Variants in RAPGEF1 observed in about 807,000 individuals in gnomAD.
The protein encoded by RAPGEF1 is Rap guanine nucleotide exchange factor 1, also known as CRK SH3-binding GNRP.
In RAPGEF1, 33 loss-of-function variants were observed where a neutral mutation model predicts 143.3. The observed-to-expected ratio is 0.23, with a 90% CI of 0.17 to 0.31. RAPGEF1 has a LOEUF of 0.31. Ranked by LOEUF, RAPGEF1 falls within the 10% of genes least tolerant of loss-of-function variation. RAPGEF1 has a pLI of 1.00. For synonymous variants in RAPGEF1, 629 were observed against 676.5 expected, an observed-to-expected ratio of 0.93 and a Z score of 1.09; for missense variants, 1,199 against 1,645.4, an observed-to-expected ratio of 0.73 and a Z score of 4.69.
At chr9:131,702,489 G>A (rs1472548791) in intron 1 of RAPGEF1, among the ~76,000 whole-genome samples, 4 of 152,136 alleles carry the variant, frequency 2.6e-5, no homozygotes, top group African/African-American at 7.2e-5. Flanking sequence ...TCTGAGTCCC[G>A]TGCCATCAGA....
At chr9:131,599,569 C>T (rs1383127814) in intron 15 of RAPGEF1, among the ~76,000 whole-genome samples, 4 of 151,964 alleles carry the variant, frequency 2.6e-5, no homozygotes, top group Non-Finnish European at 4.4e-5. Context: ...GATGGGTGAG[C>T]CGAGGCTTGC....
chr9:131,588,458 C>T (rs747886570), intron 20 of RAPGEF1, among the ~76,000 whole-genome samples: 12 of 152,210 alleles, frequency 7.9e-5, no homozygotes, highest in African/African-American at 1.7e-4. Context: ...CACTCACCGT[C>T]GGTGTCGAGG....
intron 1 of RAPGEF1, among the ~76,000 whole-genome samples, chr9:131,662,629 T>C (rs1829751665): frequency 6.6e-6 from 1 of 151,804 alleles, no homozygotes; most frequent in African/African-American, 2.4e-5. Flanking sequence ...CTCACTGCCT[T>C]CCTGGTTCAA....
chr9:131,580,215 G>A lies in RAPGEF1; in HGVS notation c.3641+48C>T, dbSNP rs1025171023. On this transcript the variant is annotated intron_variant, in intron 26 of 26. Coordinates refer to ENST00000683357, the MANE Select transcript of RAPGEF1 (RefSeq NM_001377935.1). ...TCCCGGGCTGTCTCTCCTTGTGTGT[G>A]GCCCGGGGCTCAGCTCTGCCTGGTC... is the stretch of plus-strand genomic sequence containing the variant. The A allele has an allele frequency of 3.1e-6, 5 of 1,604,362 alleles. No homozygotes were observed. The African/African-American group carries it at 4.0e-5, about 13-fold the overall frequency.
intron 9 of RAPGEF1, 24 bp from the exon 10 acceptor site, chr9:131,626,446 G>A (rs1464283689): frequency 6.5e-7 from 1 of 1,540,304 alleles, no homozygotes; most frequent in Non-Finnish European, 8.8e-7. Flanking sequence ...AGGGGAAAAA[G>A]AGACCCGTTA....
intron 1 of RAPGEF1, among the ~76,000 whole-genome samples, chr9:131,713,569 A>G (rs1297143003): frequency 1.3e-5 from 2 of 152,196 alleles, no homozygotes; most frequent in Non-Finnish European, 2.9e-5. Flanking sequence ...TGGGATAGAA[A>G]CTAAACCTTT....
At position 131,619,219 on chromosome 9, in the gene RAPGEF1, G is replaced by C. The variant is rs962052125; in HGVS notation, c.1906-13C>G. The stretch of plus-strand genomic sequence containing the variant: ...CAGCACAGGAGGCCTGCTGGACAGA[G>C]GGGAGGAGAGAGAAGGCAGGGAAGG... On this transcript the variant is annotated splice_polypyrimidine_tract_variant and intron_variant, in intron 11 of 26. Coordinates refer to ENST00000683357, the MANE Select transcript of RAPGEF1 (RefSeq NM_001377935.1). 7.7e-7 allele frequency: 1 copy of C among 1,302,668 alleles called. No individual in the cohort carries two copies. The highest frequency in any genetic ancestry group is 1.0e-6 in the Non-Finnish European group (1 of 987,664). 80.7% of individuals were successfully genotyped at this position (1,302,668 alleles called of 1,614,324 possible).
intron 1 of RAPGEF1, among the ~76,000 whole-genome samples, chr9:131,664,580 A>G (rs2130605652): frequency 6.6e-6 from 1 of 152,282 alleles, no homozygotes; most frequent in East Asian, 1.9e-4. Flanking sequence ...CTGGTTTCTA[A>G]CATCATCAAT....
At chr9:131,653,148 G>A (rs114086015) in intron 1 of RAPGEF1, among the ~76,000 whole-genome samples, 104 of 152,222 alleles carry the variant, frequency 6.8e-4, no homozygotes, top group African/African-American at 2.3e-3. Flanking sequence ...GATCCTCTGC[G>A]GGGATCAAAA....
chr9:131,696,764 C>A (rs1490339135), intron 1 of RAPGEF1, among the ~76,000 whole-genome samples: 1 of 152,128 alleles, frequency 6.6e-6, no homozygotes, highest in East Asian at 1.9e-4. Flanking sequence ...TAAATGGATA[C>A]GAAATACTAC....
intron 15 of RAPGEF1, among the ~76,000 whole-genome samples, chr9:131,600,269 A>T (rs1216746510): frequency 1.3e-5 from 2 of 152,180 alleles, no homozygotes; most frequent in Non-Finnish European, 2.9e-5. Flanking sequence ...ATTATTTCTG[A>T]GCAGTCAAAG....
intron 12 of RAPGEF1, among the ~76,000 whole-genome samples, chr9:131,610,450 ATGG>A (rs1957864931): frequency 6.6e-6 from 1 of 152,216 alleles, no homozygotes; most frequent in African/African-American, 2.4e-5. Context: ...ATTCACTGGC[ATGG>A]TGAAGTGTTT....
Position 131,641,209 on chromosome 9 carries a change from C to T in RAPGEF1, c.494+2030G>A, listed in dbSNP as rs1227229933. ...ACTCTGGGTGTGAGGGTCCAGGGGA[C>T]GCTATCCTGGACTCTCCCAAAGAGG... On this transcript the variant is annotated intron_variant, in intron 4 of 26. Transcript: ENST00000683357. This position sits in a 1 kb window ranked among gnomAD's most constrained non-coding sequence, Gnocchi z 4.6. 6.6e-6 allele frequency among the ~76,000 whole-genome samples: 1 copy of T among 152,152 alleles called. No individual in the cohort carries two copies. The highest frequency in any genetic ancestry group is 2.1e-4 in the South Asian group (1 of 4,826).
At chr9:131,603,376 G>GTA (rs1956583905) in intron 14 of RAPGEF1, among the ~76,000 whole-genome samples, 1 of 152,218 alleles carries the variant, frequency 6.6e-6, no homozygotes, top group Non-Finnish European at 1.5e-5. Context: ...TAGAACTGCT[G>GTA]TACCGCGATG....
rs1312384111 is a variant in RAPGEF1, at chr9:131,583,680, C to T, written c.3414+631G>A. On this transcript the variant is annotated intron_variant, in intron 24 of 26. Transcript: ENST00000683357. This position sits in a 1 kb window ranked among gnomAD's most constrained non-coding sequence, Gnocchi z 4.7. ...ACAGGATAAAGGTCCAACTCCTCAC[C>T]AGGCTCCTGAGGCTCTCATGACCTA... 6.6e-6 allele frequency among the ~76,000 whole-genome samples: 1 copy of T among 152,212 alleles called. No individual in the cohort carries two copies. Among genetic ancestry groups the T allele is most frequent in the East Asian group, 1.9e-4 (1 of 5,200 alleles).
intron 12 of RAPGEF1, among the ~76,000 whole-genome samples, chr9:131,607,950 G>A (rs1257311452): frequency 2.6e-5 from 4 of 152,182 alleles, no homozygotes; most frequent in Non-Finnish European, 2.9e-5. Context: ...GTGTTTAGCC[G>A]GTTTTAATTC....
At chr9:131,644,726 A>G (rs1319018812) in intron 3 of RAPGEF1, among the ~76,000 whole-genome samples, 1 of 152,194 alleles carries the variant, frequency 6.6e-6, no homozygotes, top group African/African-American at 2.4e-5. Flanking sequence ...GCACTTTGGG[A>G]GGCCAAGGTG....
intron 26 of RAPGEF1, 136 bp from the exon 27 acceptor site, chr9:131,579,783 G>C: frequency 1.1e-6 from 1 of 895,844 alleles, no homozygotes; most frequent in Non-Finnish European, 1.7e-6. Flanking sequence ...GGCTACCGTT[G>C]ACCAATGTGA....
intron 1 of RAPGEF1, among the ~76,000 whole-genome samples, chr9:131,723,814 C>A (rs1284233718): frequency 6.6e-6 from 1 of 152,182 alleles, no homozygotes; most frequent in African/African-American, 2.4e-5. Context: ...TTTGCTGGAT[C>A]ATGTGGTAGT....
Sources: gnomAD v4.1 joint callset for allele counts (sites outside exome capture counted in the v4.1 genomes callset) on GRCh38, gnomAD v4.1.1 for gene constraint, Gnocchi (gnomAD v3.1) non-coding constraint, MANE v1.5 for transcripts, NCBI Gene and HGNC (gene_info 2026-07-23, HGNC 2026-07-21) for gene names.